Variants in FAS observed in about 807,000 individuals in gnomAD.
FAS encodes tumor necrosis factor receptor superfamily member 6.
In FAS, 5 loss-of-function variants were observed where a neutral mutation model predicts 33.2. That is an observed-to-expected ratio of 0.15 (90% confidence interval 0.08 to 0.32). The LOEUF is 0.32. Among genes scored for constraint, FAS ranks in the 10% least tolerant of loss-of-function variants. FAS has a pLI of 1.00. For synonymous variants in FAS, 131 were observed against 130.7 expected (o/e 1.00, Z -0.01); for missense variants, 339 against 386.0 (o/e 0.88, Z 1.02).
intron 2 of FAS, among the ~76,000 whole-genome samples, chr10:88,976,985 A>T (rs1049588379): frequency 6.6e-6 from 1 of 152,244 alleles, no homozygotes; most frequent in South Asian, 2.1e-4. Context: ...TTAGATTAGC[A>T]GCAAAATGTA....
intron 3 of FAS, 77 bp downstream of exon 3, chr10:89,007,914 T>C: frequency 6.3e-7 from 1 of 1,599,734 alleles, no homozygotes; most frequent in Admixed American, 1.7e-5. Flanking sequence ...CAATTTGAAA[T>C]TGGGGCCTAC....
intron 1 of FAS, among the ~76,000 whole-genome samples, chr10:88,972,466 A>C (rs1846469383): frequency 6.6e-6 from 1 of 152,108 alleles, no homozygotes; most frequent in African/African-American, 2.4e-5. Context: ...AGTTCGATTT[A>C]GATTTACTGT....
At chr10:89,004,772 G>T (rs1327810151) in intron 2 of FAS, among the ~76,000 whole-genome samples, 3 of 152,006 alleles carry the variant, frequency 2.0e-5, no homozygotes, top group Non-Finnish European at 4.4e-5. Context: ...GATCTGGCTG[G>T]ATTAACTGAT....
At chr10:89,009,071 C>G in intron 4 of FAS, 74 bp downstream of exon 4, 1 of 1,315,846 alleles carries the variant, frequency 7.6e-7, no homozygotes, top group Non-Finnish European at 1.1e-6. Context: ...GGAAGTAACA[C>G]TGACTGAGAG....
Position 89,003,046 on chromosome 10 carries a change from T to C in FAS, c.48T>C (p.Ala16=). The C allele has an allele frequency of 6.2e-7, 1 of 1,614,170 alleles. No homozygotes were observed. The highest frequency in any genetic ancestry group is 8.5e-7 in the Non-Finnish European group (1 of 1,179,988). ...TLLPLVLTSV[A]RLSSKSVNAQ... is the part of the protein sequence containing the mutation. ...TTTTACAGGTTCTTACGTCTGTTGCTAGATTATCGTCCAAAAGTGTTAATG... is the reference window on the plus strand; with the variant it reads ...TTTTACAGGTTCTTACGTCTGTTGCCAGATTATCGTCCAAAAGTGTTAATG... The change falls in exon 2 of 9, where the codon GCT becomes GCC. Residue 16 remains alanine, a synonymous_variant. Coordinates refer to ENST00000652046, the MANE Select transcript of FAS (RefSeq NM_000043.6).
At chr10:88,991,007 G>A in intron 1 of FAS, 101 bp downstream of exon 1, 1 of 1,520,090 alleles carries the variant, frequency 6.6e-7, no homozygotes, top group Non-Finnish European at 9.1e-7. Flanking sequence ...CGGCGGCAGC[G>A]GCGCACGCGG....
Position 89,015,320 on chromosome 10 carries a change from T to C in FAS, c.*870T>C, listed in dbSNP as rs1036714576. On this transcript the variant is annotated 3_prime_UTR_variant, in exon 9 of 9. Transcript: ENST00000652046. The stretch of plus-strand genomic sequence containing the variant: ...AAGACTGCCCTTAGAAATTCTAGCC[T>C]GGTTTGGAGATACTAACTGCTCTCA... 1 of 534,586 alleles carries C rather than the reference T, an allele frequency of 1.9e-6. No homozygotes were observed. The highest frequency in any genetic ancestry group is 3.6e-6 in the Non-Finnish European group (1 of 276,614). 33.1% of individuals were successfully genotyped at this position (534,586 alleles called of 1,614,324 possible). A position where few individuals can be genotyped will look rare whatever the true frequency, so the allele number is the denominator to read the frequency against.
intron 1 of FAS, among the ~76,000 whole-genome samples, chr10:88,968,002 CT>C (rs927490653): frequency 6.7e-5 from 10 of 148,924 alleles, no homozygotes; most frequent in African/African-American, 1.5e-4. Flanking sequence ...GATAAAAGTC[CT>C]TTTTTTTTTC....
intron 1 of FAS, among the ~76,000 whole-genome samples, chr10:89,000,677 A>G (rs979630748): frequency 1.3e-5 from 2 of 152,224 alleles, no homozygotes; most frequent in African/African-American, 4.8e-5. Flanking sequence ...CCTCATCAAT[A>G]GGGCATTTTT....
chr10:89,008,939 T>C lies in FAS; in HGVS notation c.385T>C (p.Cys129Arg). 1 of 1,614,080 alleles carries C rather than the reference T, an allele frequency of 6.2e-7. No homozygotes were observed. The highest frequency in any genetic ancestry group is 8.5e-7 in the Non-Finnish European group (1 of 1,179,906). The change falls in exon 4 of 9, where the codon TGT (cysteine) becomes CGT (arginine). Residue 129 changes from cysteine to arginine, a missense_variant. Cys to Arg is a radical substitution (Grantham distance 180, BLOSUM62 -3). This residue lies in a region of FAS where 276 missense variants were observed against 300.1 expected (regional missense o/e 0.92). Coordinates refer to ENST00000652046, the MANE Select transcript of FAS (RefSeq NM_000043.6). ...CTRTQNTKCR[C>R]KPNFFCNSTV... Reference sequence around the variant, plus strand: ...CCGGACCCAGAATACCAAGTGCAGATGTAAACCAAACTTTTTTTGTAACTC... The same window carrying C: ...CCGGACCCAGAATACCAAGTGCAGACGTAAACCAAACTTTTTTTGTAACTC...
upstream of FAS, chr10:88,990,684 A>T (rs965461197): frequency 1.4e-6 from 1 of 712,504 alleles, no homozygotes; most frequent in African/African-American, 1.7e-5. This position sits in a 1 kb window ranked among gnomAD's most constrained non-coding sequence, Gnocchi z 4.9. Flanking sequence ...GTGTTCAAAG[A>T]CGCTTCTGGG....
At chr10:88,994,780 T>C (rs1847483962) in intron 1 of FAS, among the ~76,000 whole-genome samples, 1 of 151,660 alleles carries the variant, frequency 6.6e-6, no homozygotes, top group African/African-American at 2.4e-5. Context: ...AGAGAGAGCA[T>C]TTATTAAATG....
At chr10:88,992,319 C>A (rs1016575293) in intron 1 of FAS, 1 of 152,164 alleles carries the variant, frequency 6.6e-6, no homozygotes, top group African/African-American at 2.4e-5. Context: ...AACATTTATA[C>A]AACCTCAGGC....
At chr10:88,995,695 G>A (rs1411450035) in intron 1 of FAS, among the ~76,000 whole-genome samples, 1 of 152,104 alleles carries the variant, frequency 6.6e-6, no homozygotes, top group Non-Finnish European at 1.5e-5. Context: ...GGGTGTGGTG[G>A]CGTGCCTGTT....
intron 2 of FAS, among the ~76,000 whole-genome samples, chr10:89,006,352 T>C (rs1334207824): frequency 6.6e-6 from 1 of 152,254 alleles, no homozygotes; most frequent in African/African-American, 2.4e-5. Flanking sequence ...CAGACTATTA[T>C]CTTTACTTAC....
chr10:89,016,542 T>C lies in FAS; in HGVS notation c.*2092T>C, dbSNP rs576901526. On this transcript the variant is annotated 3_prime_UTR_variant, in exon 9 of 9. Transcript: ENST00000652046. The stretch of plus-strand genomic sequence containing the variant: ...TTGAGTTCCTTTGGGAGGAAGACAG[T>C]GGAGAAGTCTTTGTACTTGGTGATG... The C allele has an allele frequency of 4.4e-6, 1 of 226,870 alleles. No individual in the cohort carries two copies. Among genetic ancestry groups the C allele is most frequent in the Non-Finnish European group, 8.8e-6 (1 of 113,930 alleles). The allele number at this position is 226,870 out of a possible 1,614,324, so 14.1% of individuals were successfully genotyped here. A position where few individuals can be genotyped will look rare whatever the true frequency, so the allele number is the denominator to read the frequency against.
chr10:88,965,356 G>A (rs1846300960), intron 1 of FAS, among the ~76,000 whole-genome samples: 1 of 152,146 alleles, frequency 6.6e-6, no homozygotes, highest in African/African-American at 2.4e-5. Flanking sequence ...AGAGCTGTCT[G>A]CAATGACCAT....
chr10:89,010,784 T>C lies in FAS; in HGVS notation c.537T>C (p.Leu179=). Residue 179 remains leucine, a synonymous_variant, in exon 6 of 9, where the codon CTT becomes CTC. Coordinates refer to ENST00000652046, the MANE Select transcript of FAS (RefSeq NM_000043.6). ...GSRSNLGWLC[L]LLLPIPLIVW... is the part of the protein sequence containing the mutation. Reference sequence around the variant, plus strand: ...GATCTAACTTGGGGTGGCTTTGTCTTCTTCTTTTGCCAATTCCACTAATTG... The same window carrying C: ...GATCTAACTTGGGGTGGCTTTGTCTCCTTCTTTTGCCAATTCCACTAATTG... 7 of 1,614,108 alleles carry C rather than the reference T, an allele frequency of 4.3e-6. No individual in the cohort carries two copies. Among genetic ancestry groups the C allele is most frequent in the Non-Finnish European group, 5.9e-6 (7 of 1,180,000 alleles).
chr10:89,013,308 T>C (rs761487166), intron 7 of FAS, 35 bp from the exon 8 acceptor site: 3 of 1,597,176 alleles, frequency 1.9e-6, no homozygotes, highest in Non-Finnish European at 2.6e-6. Flanking sequence ...TATATTTTTA[T>C]TTGTCTTTCT....
Sources: allele counts gnomAD v4.1 joint callset (sites outside exome capture counted in the v4.1 genomes callset), GRCh38; gene constraint gnomAD v4.1.1; regional missense constraint gnomAD v4.1.1; non-coding constraint Gnocchi (gnomAD v3.1); transcripts MANE v1.5; gene names NCBI Gene and HGNC (gene_info 2026-07-23, HGNC 2026-07-21).